PHF21A: variants seen among roughly 807,000 people sequenced by gnomAD.
PHF21A encodes PHD finger protein 21A.
PHF21A carries 11 observed loss-of-function variants against 82.5 expected under a neutral mutation model. The observed-to-expected ratio is 0.13, with a 90% CI of 0.08 to 0.22. PHF21A has a LOEUF of 0.22. PHF21A is among the 10% of genes least tolerant of loss of function. The pLI is 1.00. For synonymous variants in PHF21A, 297 were observed against 302.8 expected, an observed-to-expected ratio of 0.98 and a Z score of 0.20; for missense variants, 579 against 837.8, an observed-to-expected ratio of 0.69 and a Z score of 3.81.
intron 1 of PHF21A, among the ~76,000 whole-genome samples, chr11:46,096,080 A>G (rs1363631037): frequency 3.3e-5 from 5 of 152,136 alleles, no homozygotes; most frequent in Admixed American, 6.5e-5. Flanking sequence ...TTAAATGCAG[A>G]TAAGTGGTTA....
rs1476061898 is a variant in PHF21A, at chr11:46,083,981, C to CTTT, written c.54+182_54+184dup. Among the ~76,000 whole-genome samples the CTTT allele has an allele frequency of 2.6e-5, 4 of 152,170 alleles. No homozygotes were observed. In the East Asian group the frequency reaches 7.7e-4, roughly 29 times the overall value. Reference sequence around the variant, plus strand: ...TTCTCTAGAAAGGAAGTCAGGAATACTTTAAGTTCTTAAAAGCAGTATCTA... The same window carrying CTTT: ...TTCTCTAGAAAGGAAGTCAGGAATACTTTTTTAAGTTCTTAAAAGCAGTATCTA... On this transcript the variant is annotated intron_variant, in intron 4 of 18. Coordinates refer to ENST00000676320, the MANE Select transcript of PHF21A (RefSeq NM_001352027.3).
intron 6 of PHF21A, among the ~76,000 whole-genome samples, chr11:46,022,791 C>G (rs985052248): frequency 1.3e-5 from 2 of 151,486 alleles, no homozygotes; most frequent in Admixed American, 1.3e-4. Context: ...AGTTTCCTTT[C>G]TTTTTTTTTG....
intron 6 of PHF21A, among the ~76,000 whole-genome samples, chr11:46,013,429 C>T (rs951461090): frequency 1.8e-4 from 27 of 152,132 alleles, no homozygotes; most frequent in African/African-American, 6.3e-4. Flanking sequence ...TAATAATGGC[C>T]CCAAAGCGAA....
At chr11:46,119,145 C>T (rs1852242818) in intron 1 of PHF21A, among the ~76,000 whole-genome samples, 1 of 151,742 alleles carries the variant, frequency 6.6e-6, no homozygotes, top group Admixed American at 6.6e-5. Flanking sequence ...CCAAATTAAT[C>T]TGATTCTAAT....
chr11:45,938,643 G>A (rs1430454815), intron 15 of PHF21A, among the ~76,000 whole-genome samples: 1 of 152,058 alleles, frequency 6.6e-6, no homozygotes, highest in Non-Finnish European at 1.5e-5. Context: ...TTATAAATTA[G>A]GCACAATAAG....
Position 46,121,110 on chromosome 11 carries a change from T to C in PHF21A, c.-412A>G. On this transcript the variant is annotated 5_prime_UTR_variant, in exon 1 of 19. Transcript: ENST00000676320. ...GCCTCTCGCACTTTTTAGATATTAG[T>C]GTGTTAAGATGGTAGGTTGTTCCCT... 6.5e-6 allele frequency: 1 copy of C among 152,994 alleles called. No homozygotes were observed. Among genetic ancestry groups the C allele is most frequent in the African/African-American group, 2.4e-5 (1 of 41,278 alleles). The allele number at this position is 152,994 out of a possible 1,614,324, so 9.5% of individuals were successfully genotyped here.
At chr11:45,976,488 G>A (rs1388322088) in intron 7 of PHF21A, among the ~76,000 whole-genome samples, 1 of 152,090 alleles carries the variant, frequency 6.6e-6, no homozygotes. Context: ...CCAGACTTTT[G>A]GCAGGGACCA....
At chr11:46,062,080 GTTTT>G (rs1045114793) in intron 6 of PHF21A, among the ~76,000 whole-genome samples, 2 of 151,260 alleles carry the variant, frequency 1.3e-5, no homozygotes, top group African/African-American at 4.8e-5. Flanking sequence ...GTTTGCAACT[GTTTT>G]TTGTTTTGTT....
At chr11:46,014,421 AC>A (rs1441637611) in intron 6 of PHF21A, among the ~76,000 whole-genome samples, 3 of 152,198 alleles carry the variant, frequency 2.0e-5, no homozygotes, top group Non-Finnish European at 2.9e-5. Context: ...GTTGATGGAC[AC>A]CTAGGTTGAT....
chr11:46,016,916 G>T (rs1408610206), intron 6 of PHF21A, among the ~76,000 whole-genome samples: 1 of 151,742 alleles, frequency 6.6e-6, no homozygotes, highest in African/African-American at 2.4e-5. Flanking sequence ...AACATGATGT[G>T]CCCTGATGTG....
chr11:45,961,927 G>A (rs568835928), intron 10 of PHF21A, among the ~76,000 whole-genome samples: 7 of 152,162 alleles, frequency 4.6e-5, no homozygotes, highest in South Asian at 2.1e-4. Flanking sequence ...ACAGTGTAAC[G>A]TGGTTTCTAA....
Position 46,007,106 on chromosome 11 carries a change from T to C in PHF21A, c.154-27140A>G, listed in dbSNP as rs1395286208. Among the ~76,000 whole-genome samples, 3 of 152,172 alleles carry C rather than the reference T, an allele frequency of 2.0e-5. No individual in the cohort carries two copies. The East Asian group carries it at 5.8e-4, about 29-fold the overall frequency. ...AGTGACTAACTTAAAAAGTGATCTT[T>C]CTTCCCTCCAACCAACCATAACGTG... On this transcript the variant is annotated intron_variant, in intron 6 of 18. Coordinates refer to ENST00000676320, the MANE Select transcript of PHF21A (RefSeq NM_001352027.3).
intron 6 of PHF21A, among the ~76,000 whole-genome samples, chr11:45,992,477 T>C (rs764827793): frequency 6.6e-6 from 1 of 152,060 alleles, no homozygotes; most frequent in Non-Finnish European, 1.5e-5. Context: ...GAGGCAGAGC[T>C]TGCAGTGAGC....
intron 7 of PHF21A, among the ~76,000 whole-genome samples, chr11:45,971,893 T>TCTTTTTG (rs1555026010): frequency 1.1e-5 from 1 of 91,986 alleles, no homozygotes; most frequent in African/African-American, 3.7e-5. Context: ...TTTCTTTCTT[T>TCTTTTTG]TTTTTTTTTT....
intron 3 of PHF21A, among the ~76,000 whole-genome samples, chr11:46,089,342 C>T (rs1012052061): frequency 6.6e-6 from 1 of 151,832 alleles, no homozygotes; most frequent in Non-Finnish European, 1.5e-5. Flanking sequence ...GCTAAAATTA[C>T]CATGAATGCA....
In PHF21A at chr11:45,994,212, TG is replaced by T. The variant is rs559146063; in HGVS notation, c.154-14247del. Among the ~76,000 whole-genome samples the T allele has an allele frequency of 1.6e-4, 25 of 152,336 alleles. 1 individual carries two copies. The South Asian group carries it at 5.0e-3, about 30-fold the overall frequency. ...GAATGGACACTGGCAACATTTAGAC[TG>T]GGTAAAGTGTTGGGCTCTGGTGGGT... On this transcript the variant is annotated intron_variant, in intron 6 of 18. Transcript: ENST00000676320.
chr11:45,949,329 AGAGGG>A, intron 13 of PHF21A, 68 bp downstream of exon 13: 1 of 1,235,750 alleles, frequency 8.1e-7, no homozygotes, highest in Non-Finnish European at 1.2e-6. Flanking sequence ...GCAGGTTTTC[AGAGGG>A]GAGGCACTGA....
intron 6 of PHF21A, among the ~76,000 whole-genome samples, chr11:46,008,621 C>G (rs548557673): frequency 6.6e-6 from 1 of 152,050 alleles, no homozygotes; most frequent in African/African-American, 2.4e-5. Context: ...AAATGTGACT[C>G]GGTTTTGTGT....
At chr11:46,067,577 A>C (rs969471186) in intron 6 of PHF21A, among the ~76,000 whole-genome samples, 1 of 139,020 alleles carries the variant, frequency 7.2e-6, no homozygotes, top group African/African-American at 2.7e-5. Flanking sequence ...GGAAATAATA[A>C]TAAGAATATT....
Sources: allele counts gnomAD v4.1 joint callset (sites outside exome capture counted in the v4.1 genomes callset), GRCh38; gene constraint gnomAD v4.1.1; transcripts MANE v1.5; gene names NCBI Gene and HGNC (gene_info 2026-07-23, HGNC 2026-07-21).